Variants in MED12L observed in about 807,000 individuals in gnomAD.
MED12L encodes mediator complex subunit 12L, also known as mediator of RNA polymerase II transcription subunit 12-like protein.
A neutral mutation model predicts 281.3 loss-of-function variants in MED12L; 60 were observed. That is an observed-to-expected ratio of 0.21 (90% CI 0.17 to 0.26). MED12L has a LOEUF of 0.26. MED12L is among the 10% of genes least tolerant of loss of function. The pLI, the probability that MED12L is intolerant of heterozygous loss-of-function variation, is 1.00. For synonymous variants in MED12L, 974 were observed against 987.2 expected, an observed-to-expected ratio of 0.99 and a Z score of 0.25; for missense variants, 2,146 against 2,680.9, an observed-to-expected ratio of 0.80 and a Z score of 4.41.
intron 33 of MED12L, among the ~76,000 whole-genome samples, chr3:151,383,219 C>T (rs1245714994): frequency 6.6e-6 from 1 of 152,194 alleles, no homozygotes; most frequent in African/African-American, 2.4e-5. Context: ...CTTTTCCCAT[C>T]AGGCAGGCCC....
At chr3:151,412,637 A>G (rs1380723734) in intron 41 of MED12L, among the ~76,000 whole-genome samples, 1 of 152,172 alleles carries the variant, frequency 6.6e-6, no homozygotes, top group Non-Finnish European at 1.5e-5. Flanking sequence ...CAATTTTTAT[A>G]ATAAATAGCA....
intron 16 of MED12L, chr3:151,316,783 T>TG (rs974757679): frequency 6.6e-6 from 1 of 152,228 alleles, no homozygotes; most frequent in Admixed American, 6.5e-5. Context: ...GATTGTCCTT[T>TG]GGGGCACCCT....
chr3:151,236,249 A>T (rs1356677649), intron 16 of MED12L, among the ~76,000 whole-genome samples: 1 of 152,202 alleles, frequency 6.6e-6, no homozygotes, highest in Admixed American at 6.5e-5. Flanking sequence ...TTAACTGTCA[A>T]ATGATGAGTT....
chr3:151,396,092 C>T (rs773787079), intron 39 of MED12L, among the ~76,000 whole-genome samples: 4 of 152,122 alleles, frequency 2.6e-5, no homozygotes, highest in Non-Finnish European at 5.9e-5. Context: ...AAGGATGAGT[C>T]TAAGCTGCTG....
chr3:151,242,484 G>A (rs1188712620), intron 16 of MED12L, among the ~76,000 whole-genome samples: 8 of 152,218 alleles, frequency 5.3e-5, no homozygotes, highest in East Asian at 1.9e-4. Flanking sequence ...GCCTAACTGG[G>A]AGGCACCCCC....
In MED12L at chr3:151,327,836, A is replaced by T; in HGVS notation, c.2251-22223A>T. On this transcript the variant is annotated intron_variant, in intron 16 of 44. Transcript: ENST00000687756. Reference sequence around the variant, plus strand: ...GTTCATTCAGCTTATGAATAGATCTATGTGGATTTAAATTTTATATAATCT... The same window carrying T: ...GTTCATTCAGCTTATGAATAGATCTTTGTGGATTTAAATTTTATATAATCT... 5.5e-6 allele frequency: 3 copies of T among 548,440 alleles called. No individual in the cohort carries two copies. The Admixed American group carries it at 1.1e-4, about 20-fold the overall frequency. 34.0% of individuals were successfully genotyped at this position (548,440 alleles called of 1,614,324 possible).
Position 151,272,475 on chromosome 3 carries a change from C to T in MED12L, c.2251-77584C>T, listed in dbSNP as rs115619594. ...CTTCTGTTCTCCAGGTGCACCAGCA[C>T]ACAGTGGTATTTCCTCCTCCCAAAT... On this transcript the variant is annotated intron_variant, in intron 16 of 44. Transcript: ENST00000687756. 8.0e-3 allele frequency among the ~76,000 whole-genome samples: 1,225 copies of T among 152,334 alleles called. 5 individuals carry two copies. Among genetic ancestry groups the T allele is most frequent in the Non-Finnish European group, 0.014 (935 of 68,026 alleles).
rs563158947 is a variant in MED12L at position 151,329,994 on chromosome 3, G to A, written c.2251-20065G>A. The stretch of plus-strand genomic sequence containing the variant: ...ATTTGACTTAGTCTTCTGGTTTGGG[G>A]ATCTCTGAGAGTTAACATGATGTTT... On this transcript the variant is annotated intron_variant, in intron 16 of 44. Transcript: ENST00000687756. Among the ~76,000 whole-genome samples, 4 of 152,266 alleles carry A rather than the reference G, an allele frequency of 2.6e-5. No individual in the cohort carries two copies. The South Asian group carries it at 6.2e-4, about 24-fold the overall frequency.
In MED12L at chr3:151,434,159, CATATA is replaced by C. The variant is rs1252219252; in HGVS notation, c.*1361_*1365del. On this transcript the variant is annotated 3_prime_UTR_variant, in exon 45 of 45. Transcript: ENST00000687756. ...CATTTTCTTTTGCCATATGATTTTA[CATATA>C]ATATAGTCAAGCATACTGTGAATAG... 6.6e-6 allele frequency: 1 copy of C among 152,158 alleles called. No individual in the cohort carries two copies. Among genetic ancestry groups the C allele is most frequent in the Non-Finnish European group, 1.5e-5 (1 of 68,034 alleles). 9.4% of individuals were successfully genotyped at this position (152,158 alleles called of 1,614,324 possible). A position where few individuals can be genotyped will look rare whatever the true frequency, so the allele number is the denominator to read the frequency against.
chr3:151,394,303 C>G, intron 38 of MED12L, among the ~76,000 whole-genome samples: 1 of 152,160 alleles, frequency 6.6e-6, no homozygotes, highest in East Asian at 1.9e-4. Context: ...AAATACATCA[C>G]AAAGGCAGTA....
chr3:151,131,489 C>G (rs1227639339), intron 5 of MED12L, among the ~76,000 whole-genome samples: 2 of 152,044 alleles, frequency 1.3e-5, no homozygotes, highest in Non-Finnish European at 2.9e-5. Flanking sequence ...CACCTGTATT[C>G]CCAGCTACTC....
At chr3:151,280,963 A>G (rs1322123235) in intron 16 of MED12L, among the ~76,000 whole-genome samples, 8 of 152,100 alleles carry the variant, frequency 5.3e-5, no homozygotes, top group Non-Finnish European at 1.0e-4. Flanking sequence ...TGTGCTGTAC[A>G]TTTTGTGGAT....
intron 16 of MED12L, among the ~76,000 whole-genome samples, chr3:151,319,464 T>TGC (rs1266256933): frequency 3.1e-4 from 30 of 96,046 alleles, no homozygotes; most frequent in African/African-American, 5.2e-4. Context: ...TGTGTGTGTG[T>TGC]GTGCGTGTGT....
intron 38 of MED12L, among the ~76,000 whole-genome samples, chr3:151,390,972 T>C (rs1432595879): frequency 6.6e-6 from 1 of 152,172 alleles, no homozygotes; most frequent in Non-Finnish European, 1.5e-5. Context: ...TGTATAATCT[T>C]GGCCAAATCT....
chr3:151,110,760 TTGTGTGTGTGTG>T (rs147753454), intron 2 of MED12L, among the ~76,000 whole-genome samples: 1 of 150,262 alleles, frequency 6.7e-6, no homozygotes, highest in Admixed American at 6.6e-5. Flanking sequence ...GTATGTATGT[TTGTGTGTGTGTG>T]TGTGTAGCTT....
intron 16 of MED12L, among the ~76,000 whole-genome samples, chr3:151,329,190 A>G (rs1055671953): frequency 6.6e-6 from 1 of 152,226 alleles, no homozygotes; most frequent in African/African-American, 2.4e-5. Context: ...TTTAAAGCAT[A>G]TAATACATTT....
intron 16 of MED12L, among the ~76,000 whole-genome samples, chr3:151,298,231 C>T (rs1369352552): frequency 1.3e-5 from 2 of 152,296 alleles, no homozygotes; most frequent in East Asian, 3.9e-4. Flanking sequence ...GATATTTCCA[C>T]TCAGGAATAT....
At chr3:151,378,524 T>G (rs74598793) in intron 31 of MED12L, among the ~76,000 whole-genome samples, 9,614 of 151,900 alleles carry the variant, frequency 0.063, 450 homozygotes, top group Middle Eastern at 0.18. Flanking sequence ...GATATTTATG[T>G]TTAAAATAAA....
chr3:151,307,300 T>C (rs777809478), intron 16 of MED12L, among the ~76,000 whole-genome samples: 19 of 152,162 alleles, frequency 1.2e-4, no homozygotes, highest in Admixed American at 4.6e-4. Flanking sequence ...TTACCTCTTA[T>C]TGTAATGGAA....
Sources: gnomAD v4.1 joint callset for allele counts (sites outside exome capture counted in the v4.1 genomes callset) on GRCh38, gnomAD v4.1.1 for gene constraint, MANE v1.5 for transcripts, NCBI Gene and HGNC (gene_info 2026-07-23, HGNC 2026-07-21) for gene names.